Variants in ATP10D observed in about 807,000 individuals in gnomAD.
ATP10D encodes the protein phospholipid-transporting ATPase VD.
A neutral mutation model predicts 144.8 loss-of-function variants in ATP10D; 89 were observed. The ratio of observed to expected loss-of-function variants is 0.61; its 90% CI spans 0.52 to 0.73. The LOEUF (loss-of-function observed/expected upper bound fraction) is 0.73. Ranked by LOEUF, ATP10D falls within the 30% of genes least tolerant of loss-of-function variation. ATP10D has a pLI of 0.00. For synonymous variants in ATP10D, 571 were observed against 615.1 expected (o/e 0.93, Z 1.06); for missense variants, 1,603 against 1,714.8 (o/e 0.93, Z 1.15).
intron 11 of ATP10D, 137 bp from the exon 12 acceptor site, chr4:47,557,527 C>T (rs1719043234): frequency 2.6e-6 from 2 of 776,538 alleles, no homozygotes; most frequent in Non-Finnish European, 3.7e-6. Context: ...CCATGGCGGT[C>T]GTAAATAGAG....
chr4:47,582,201 T>G (rs753100592), intron 21 of ATP10D, 137 bp downstream of exon 21: 1 of 705,778 alleles, frequency 1.4e-6, no homozygotes, highest in Non-Finnish European at 2.4e-6. Flanking sequence ...TCACAGCTAC[T>G]CTGGGTGATC....
At chr4:47,528,289 T>A (rs956263767) in intron 5 of ATP10D, among the ~76,000 whole-genome samples, 1 of 151,972 alleles carries the variant, frequency 6.6e-6, no homozygotes, top group Non-Finnish European at 1.5e-5. Flanking sequence ...ATTATTTCCC[T>A]CCATGTGTCC....
chr4:47,570,427 A>T, intron 16 of ATP10D, among the ~76,000 whole-genome samples: 1 of 152,196 alleles, frequency 6.6e-6, no homozygotes, highest in East Asian at 1.9e-4. Context: ...CTAAGCAGTG[A>T]TGTCAGGTAG....
In ATP10D at chr4:47,511,895, G is replaced by T. The variant is rs906833025; in HGVS notation, c.-37-609G>T. Among the ~76,000 whole-genome samples the T allele has an allele frequency of 3.9e-5, 6 of 152,202 alleles. No homozygotes were observed. In the East Asian group the frequency reaches 1.2e-3, roughly 29 times the overall value. Reference sequence around the variant, plus strand: ...GAACAGTGAGAGAGAATAAGCTCCAGTGAACAAGCACTTTTCAAGCCTCTA... The same window carrying T: ...GAACAGTGAGAGAGAATAAGCTCCATTGAACAAGCACTTTTCAAGCCTCTA... On this transcript the variant is annotated intron_variant, in intron 1 of 22. Coordinates refer to ENST00000273859, the MANE Select transcript of ATP10D (RefSeq NM_020453.4).
chr4:47,517,659 A>T (rs538078909), intron 3 of ATP10D, among the ~76,000 whole-genome samples: 22 of 152,344 alleles, frequency 1.4e-4, no homozygotes, highest in African/African-American at 5.3e-4. Context: ...TTATTATTAT[A>T]GGTTAATAAT....
rs759195174 is a variant in ATP10D at position 47,569,035 on chromosome 4, G to A, written c.3052G>A (p.Glu1018Lys). 8.7e-6 allele frequency: 14 copies of A among 1,614,196 alleles called. No homozygotes were observed. The highest frequency in any genetic ancestry group is 2.2e-5 in the East Asian group (1 of 44,886). ...LQESLQKQFL[E>K]LTSWCQAVVC... ...AGAAAGTCTGCAAAAGCAGTTCCTG[G>A]AACTGACATCTTGGTGTCAAGCTGT... is the stretch of plus-strand genomic sequence containing the variant. Residue 1018 changes from glutamate (E) to lysine (K), a missense_variant, in exon 16 of 23, where the codon GAA becomes AAA. By Grantham distance (56) the Glu-to-Lys change is moderately conservative (BLOSUM62 1). Transcript: ENST00000273859.
intron 21 of ATP10D, chr4:47,582,969 C>G (rs1283330209): frequency 6.6e-6 from 1 of 152,072 alleles, no homozygotes; most frequent in South Asian, 2.1e-4. Flanking sequence ...ATAGTGAGAC[C>G]CTGTCTCTAA....
At chr4:47,548,804 CA>C (rs1249222853) in intron 10 of ATP10D, among the ~76,000 whole-genome samples, 2 of 152,146 alleles carry the variant, frequency 1.3e-5, no homozygotes, top group African/African-American at 4.8e-5. Flanking sequence ...TTGGTCTAAA[CA>C]AGTTGATTTT....
intron 1 of ATP10D, among the ~76,000 whole-genome samples, chr4:47,503,543 GC>G (rs1480753696): frequency 6.6e-6 from 1 of 152,128 alleles, no homozygotes; most frequent in African/African-American, 2.4e-5. Context: ...GTATGACTTA[GC>G]TTTTTATGAA....
chr4:47,536,315 AAAAC>A (rs1577658601), intron 7 of ATP10D, 118 bp from the exon 8 acceptor site: 1 of 1,319,506 alleles, frequency 7.6e-7, no homozygotes, highest in Non-Finnish European at 1.0e-6. Context: ...TTTGTTTCCA[AAAAC>A]AAACAGTTGA....
Position 47,503,915 on chromosome 4 carries a change from AAAAAT to A in ATP10D, c.-37-8568_-37-8564del, listed in dbSNP as rs148176369. 1.1e-3 allele frequency among the ~76,000 whole-genome samples: 174 copies of A among 151,716 alleles called. 1 individual carries two copies. Among genetic ancestry groups the A allele is most frequent in the African/African-American group, 3.8e-3 (156 of 41,506 alleles). ...CCTGTCTAAAAAAAAATAATAAATA[AAAAAT>A]AAAATAAAATAAAATAAAATTAAGT... On this transcript the variant is annotated intron_variant, in intron 1 of 22. Transcript: ENST00000273859.
At chr4:47,491,381 C>G (rs1577601737) in intron 1 of ATP10D, 1 of 732,600 alleles carries the variant, frequency 1.4e-6, no homozygotes, top group East Asian at 2.6e-5. Context: ...GGTATGTGGC[C>G]AAAGGAACAA....
intron 9 of ATP10D, among the ~76,000 whole-genome samples, chr4:47,542,788 T>G (rs759782355): frequency 6.6e-6 from 1 of 152,192 alleles, no homozygotes; most frequent in Non-Finnish European, 1.5e-5. Flanking sequence ...CTATTTCCTT[T>G]TCATAGCTTC....
At chr4:47,529,683 C>T (rs569262660) in intron 5 of ATP10D, among the ~76,000 whole-genome samples, 4 of 151,966 alleles carry the variant, frequency 2.6e-5, no homozygotes, top group East Asian at 1.9e-4. Context: ...TGAAAAATGA[C>T]GTTGATATTT....
chr4:47,525,102 T>C (rs1193786805), intron 4 of ATP10D, among the ~76,000 whole-genome samples: 1 of 152,202 alleles, frequency 6.6e-6, no homozygotes, highest in East Asian at 1.9e-4. Context: ...ATTATAGATA[T>C]TGATGTCTAG....
intron 1 of ATP10D, among the ~76,000 whole-genome samples, chr4:47,494,368 C>A (rs1045374895): frequency 1.3e-5 from 2 of 151,914 alleles, no homozygotes; most frequent in African/African-American, 2.4e-5. Flanking sequence ...TGGTAAGGAA[C>A]GATACGCCTA....
At position 47,543,739 on chromosome 4, in the gene ATP10D, G is replaced by A. The variant is rs919746651; in HGVS notation, c.1397-2885G>A. On this transcript the variant is annotated intron_variant, in intron 9 of 22. Transcript: ENST00000273859. ...TGGTTGAACTGCTTAATCTCTCTGGGTCTTAATCTCCTCAGCTGCAGAGTG... is the reference window on the plus strand; with the variant it reads ...TGGTTGAACTGCTTAATCTCTCTGGATCTTAATCTCCTCAGCTGCAGAGTG... 1.1e-4 allele frequency among the ~76,000 whole-genome samples: 16 copies of A among 152,154 alleles called. 1 individual carries two copies. Among genetic ancestry groups the A allele is most frequent in the African/African-American group, 3.4e-4 (14 of 41,492 alleles).
intron 19 of ATP10D, among the ~76,000 whole-genome samples, chr4:47,577,211 C>A (rs1409988439): frequency 6.6e-6 from 1 of 152,156 alleles, no homozygotes; most frequent in African/African-American, 2.4e-5. Flanking sequence ...ATCTTACAAC[C>A]AATAATATCT....
chr4:47,542,824 C>T (rs1382327817), intron 9 of ATP10D, among the ~76,000 whole-genome samples: 1 of 152,156 alleles, frequency 6.6e-6, no homozygotes, highest in African/African-American at 2.4e-5. Flanking sequence ...GGTTGAGTCA[C>T]TTCATATCTT....
Sources: gnomAD v4.1 joint callset for allele counts (sites outside exome capture counted in the v4.1 genomes callset) on GRCh38, gnomAD v4.1.1 for gene constraint, MANE v1.5 for transcripts, NCBI Gene and HGNC (gene_info 2026-07-23, HGNC 2026-07-21) for gene names.